CTIF: variants seen among roughly 807,000 people sequenced by gnomAD.
CTIF encodes cap binding complex dependent translation initiation factor.
In CTIF, 21 loss-of-function variants were observed where a neutral mutation model predicts 66.0. The ratio of observed to expected loss-of-function variants is 0.32; its 90% CI spans 0.23 to 0.46. CTIF has a LOEUF of 0.46. Ranked by LOEUF, CTIF falls within the 20% of genes least tolerant of loss-of-function variation. The pLI is 1.00. For synonymous variants in CTIF, 345 were observed against 326.4 expected (o/e 1.06, Z -0.62); for missense variants, 739 against 812.7 (o/e 0.91, Z 1.10).
At chr18:48,827,005 G>C (rs1368096945) in intron 10 of CTIF, among the ~76,000 whole-genome samples, 1 of 152,110 alleles carries the variant, frequency 6.6e-6, no homozygotes, top group Admixed American at 6.6e-5. Context: ...GGGGAAATGG[G>C]GAAAGCCTCC....
chr18:48,556,293 C>T (rs1376472365), intron 1 of CTIF, among the ~76,000 whole-genome samples: 1 of 152,166 alleles, frequency 6.6e-6, no homozygotes, highest in African/African-American at 2.4e-5. Flanking sequence ...TTTTGAGGCT[C>T]ACGAGCTTCC....
At chr18:48,642,808 G>A (rs2090959230) in intron 3 of CTIF, among the ~76,000 whole-genome samples, 2 of 152,208 alleles carry the variant, frequency 1.3e-5, no homozygotes, top group African/African-American at 4.8e-5. Context: ...CCAGGGCACA[G>A]CTTGGTGGGG....
At chr18:48,566,199 A>G (rs2089276584) in intron 1 of CTIF, 1 of 152,256 alleles carries the variant, frequency 6.6e-6, no homozygotes, top group African/African-American at 2.4e-5. Context: ...GCAAAAGAAT[A>G]AAACCATCAA....
chr18:48,748,976 T>C (rs1907525444), intron 7 of CTIF, among the ~76,000 whole-genome samples: 1 of 152,212 alleles, frequency 6.6e-6, no homozygotes, highest in South Asian at 2.1e-4. Context: ...TCTCTGAGCC[T>C]TCCCTCCACT....
intron 9 of CTIF, among the ~76,000 whole-genome samples, chr18:48,808,860 A>G (rs573235083): frequency 1.2e-4 from 18 of 152,294 alleles, no homozygotes; most frequent in African/African-American, 4.3e-4. Context: ...TTCCCTTGCT[A>G]TTCTTTCAAA....
At chr18:48,693,138 G>A (rs2091956417) in intron 6 of CTIF, among the ~76,000 whole-genome samples, 1 of 152,150 alleles carries the variant, frequency 6.6e-6, no homozygotes, top group South Asian at 2.1e-4. Flanking sequence ...ATATCAAGAG[G>A]GAAATAAAAA....
intron 7 of CTIF, among the ~76,000 whole-genome samples, chr18:48,730,300 A>AGGGGCCCCTGC (rs2092429982): frequency 1.5e-5 from 1 of 65,708 alleles, no homozygotes. Flanking sequence ...GGGGCCCCTG[A>AGGGGCCCCTGC]GGTGTGAGGG....
chr18:48,597,301 A>C (rs1420756703), intron 1 of CTIF, among the ~76,000 whole-genome samples: 13 of 152,252 alleles, frequency 8.5e-5, no homozygotes, highest in African/African-American at 3.1e-4. Flanking sequence ...CAGTCAGCTA[A>C]CAGTCACCAG....
At chr18:48,725,332 T>C (rs1297886693) in intron 7 of CTIF, among the ~76,000 whole-genome samples, 2 of 152,110 alleles carry the variant, frequency 1.3e-5, no homozygotes, top group Non-Finnish European at 2.9e-5. Flanking sequence ...GGAACAGTGA[T>C]CATCAGGGCC....
chr18:48,624,981 G>A (rs930152697), intron 2 of CTIF, among the ~76,000 whole-genome samples: 8 of 152,330 alleles, frequency 5.3e-5, no homozygotes, highest in South Asian at 4.1e-4. Flanking sequence ...TCTTTACAAA[G>A]GGGTGCAGCA....
At chr18:48,548,916 G>A (rs761116774) in intron 1 of CTIF, among the ~76,000 whole-genome samples, 3 of 152,186 alleles carry the variant, frequency 2.0e-5, no homozygotes, top group African/African-American at 4.8e-5. Context: ...TTGCGCTAGT[G>A]TAAGGTGGTA....
chr18:48,553,067 A>G (rs1044797475), intron 1 of CTIF, among the ~76,000 whole-genome samples: 8 of 152,218 alleles, frequency 5.3e-5, no homozygotes, highest in African/African-American at 1.9e-4. Flanking sequence ...ACCTGAGGGA[A>G]CAGTTGCACA....
intron 1 of CTIF, among the ~76,000 whole-genome samples, chr18:48,574,696 T>C (rs921203934): frequency 2.0e-5 from 3 of 152,198 alleles, no homozygotes; most frequent in African/African-American, 7.2e-5. Context: ...CGGAGTCACT[T>C]GCGCTACGTT....
chr18:48,611,837 A>C (rs1366985292), intron 1 of CTIF, among the ~76,000 whole-genome samples: 1 of 152,144 alleles, frequency 6.6e-6, no homozygotes, highest in East Asian at 1.9e-4. Flanking sequence ...TGAGATCGTG[A>C]CCCAGGAAAT....
At chr18:48,738,500 C>T (rs934644725) in intron 7 of CTIF, among the ~76,000 whole-genome samples, 2 of 152,128 alleles carry the variant, frequency 1.3e-5, no homozygotes, top group Admixed American at 6.5e-5. Flanking sequence ...TCCTGGGTGC[C>T]AGAAGTTCCA....
At chr18:48,853,503 G>T (rs2069255669) in intron 10 of CTIF, among the ~76,000 whole-genome samples, 1 of 152,152 alleles carries the variant, frequency 6.6e-6, no homozygotes, top group Non-Finnish European at 1.5e-5. Context: ...CCCTCCCCTG[G>T]GTTGACCGTT....
intron 1 of CTIF, among the ~76,000 whole-genome samples, chr18:48,546,408 T>A (rs542947040): frequency 6.6e-6 from 1 of 152,104 alleles, no homozygotes; most frequent in Non-Finnish European, 1.5e-5. Context: ...CATAAGCACG[T>A]CCAAAAGGGG....
intron 1 of CTIF, among the ~76,000 whole-genome samples, chr18:48,603,188 G>A (rs907352329): frequency 6.6e-6 from 1 of 150,378 alleles, no homozygotes; most frequent in African/African-American, 2.5e-5. Flanking sequence ...ATGGGTGGGT[G>A]GATAGGTGGG....
chr18:48,584,080 C>G (rs1368382156), intron 1 of CTIF, among the ~76,000 whole-genome samples: 21 of 152,194 alleles, frequency 1.4e-4, no homozygotes, highest in Admixed American at 1.4e-3. Flanking sequence ...CCTGCCTCCC[C>G]TCTTCCCACC....
Sources: gnomAD v4.1 joint callset for allele counts (sites outside exome capture counted in the v4.1 genomes callset) on GRCh38, gnomAD v4.1.1 for gene constraint, MANE v1.5 for transcripts, NCBI Gene and HGNC (gene_info 2026-07-23, HGNC 2026-07-21) for gene names.